The following HCRTR2 variants were observed in gnomAD, a reference collection of about 807,000 sequenced individuals.
HCRTR2 encodes orexin receptor type 2.
A neutral mutation model predicts 49.0 loss-of-function variants in HCRTR2; 22 were observed. That is an observed-to-expected ratio of 0.45 (90% CI 0.32 to 0.64). The LOEUF is 0.64. Among genes scored for constraint, HCRTR2 ranks in the 30% least tolerant of loss-of-function variants. The pLI is 0.04. For missense variants in HCRTR2, 491 were observed against 559.4 expected, an observed-to-expected ratio of 0.88 and a Z score of 1.23; for synonymous variants, 236 against 205.3, an observed-to-expected ratio of 1.15 and a Z score of -1.28.
At chr6:55,182,123 C>T (rs1334319056) in intron 1 of HCRTR2, among the ~76,000 whole-genome samples, 1 of 152,190 alleles carries the variant, frequency 6.6e-6, no homozygotes, top group Non-Finnish European at 1.5e-5. Flanking sequence ...TGGAGAGTCT[C>T]CTTCATCCAA....
intron 1 of HCRTR2, among the ~76,000 whole-genome samples, chr6:55,160,137 T>C (rs1282182563): frequency 1.3e-5 from 2 of 152,160 alleles, no homozygotes; most frequent in Non-Finnish European, 2.9e-5. Flanking sequence ...ACAGTGGATC[T>C]CCCTGCAGAA....
At chr6:55,183,119 A>G (rs1765161067) in intron 1 of HCRTR2, among the ~76,000 whole-genome samples, 1 of 152,144 alleles carries the variant, frequency 6.6e-6, no homozygotes, top group Non-Finnish European at 1.5e-5. Flanking sequence ...AGGAACCTGC[A>G]CTCTTTTTGA....
intron 1 of HCRTR2, among the ~76,000 whole-genome samples, chr6:55,233,347 TC>T (rs1439935201): frequency 6.6e-6 from 1 of 152,082 alleles, no homozygotes; most frequent in African/African-American, 2.4e-5. Flanking sequence ...CACCTCGGCT[TC>T]CCAAAGTGCT....
At position 55,165,835 on chromosome 6, in the gene HCRTR2, A is replaced by C. The variant is rs180790512; in HGVS notation, c.-377-8376A>C. Among the ~76,000 whole-genome samples, 378 of 143,574 alleles carry C rather than the reference A, an allele frequency of 2.6e-3. 2 individuals carry two copies. Among genetic ancestry groups the C allele is most frequent in the African/African-American group, 9.2e-3 (360 of 39,212 alleles). The allele number at this position is 143,574 out of a possible 152,430, so 94.2% of individuals were successfully genotyped here. On this transcript the variant is annotated intron_variant, in intron 1 of 7. Coordinates refer to the HCRTR2 transcript ENST00000615358. ...AGAGACGAATAACCCAATCTAAAAA[A>C]ATAGGCAATAAATAGCTATTAGTTC...
At chr6:55,169,987 G>T (rs1172962550), upstream of HCRTR2, among the ~76,000 whole-genome samples, 2 of 151,292 alleles carry the variant, frequency 1.3e-5, no homozygotes, top group African/African-American at 4.9e-5. Context: ...CCAGGAATAA[G>T]AAAATATAAT....
intron 1 of HCRTR2, among the ~76,000 whole-genome samples, chr6:55,158,424 C>T (rs1764759775): frequency 6.6e-6 from 1 of 152,060 alleles, no homozygotes; most frequent in Non-Finnish European, 1.5e-5. Context: ...TTTTTCATAC[C>T]CCAGTGGTGC....
intron 1 of HCRTR2, among the ~76,000 whole-genome samples, chr6:55,122,346 T>G (rs1166492370): frequency 6.6e-6 from 1 of 152,152 alleles, no homozygotes; most frequent in Non-Finnish European, 1.5e-5. Context: ...TATTTGATTC[T>G]TCTCTCTTTT....
chr6:55,144,276 C>A (rs537948719), intron 1 of HCRTR2, among the ~76,000 whole-genome samples: 1 of 151,924 alleles, frequency 6.6e-6, no homozygotes, highest in Non-Finnish European at 1.5e-5. Context: ...CCACGTCTGG[C>A]TAATTTTGTA....
At chr6:55,179,346 A>T (rs564887613) in intron 1 of HCRTR2, among the ~76,000 whole-genome samples, 1 of 152,312 alleles carries the variant, frequency 6.6e-6, no homozygotes, top group African/African-American at 2.4e-5. Context: ...AGTGACTGTA[A>T]AAGGTAATAT....
chr6:55,274,645 A>G (rs1767043506), intron 4 of HCRTR2, among the ~76,000 whole-genome samples: 1 of 151,948 alleles, frequency 6.6e-6, no homozygotes, highest in Admixed American at 6.6e-5. Flanking sequence ...GTGAGAGAAG[A>G]CTTGATTTTT....
chr6:55,163,096 C>A (rs757697402), intron 1 of HCRTR2, among the ~76,000 whole-genome samples: 1 of 151,784 alleles, frequency 6.6e-6, no homozygotes, highest in African/African-American at 2.4e-5. Flanking sequence ...ATTAGCCGGG[C>A]GTGGTGGCAG....
At chr6:55,111,301 G>T (rs1180068487) in intron 1 of HCRTR2, among the ~76,000 whole-genome samples, 1 of 151,804 alleles carries the variant, frequency 6.6e-6, no homozygotes, top group East Asian at 1.9e-4. Flanking sequence ...CCTAGCAAAA[G>T]AAAAGAAATA....
In HCRTR2 at chr6:55,248,688, C is replaced by G. The variant is rs1303149924; in HGVS notation, c.273C>G (p.Tyr91Ter). The G allele has an allele frequency of 6.2e-7, 1 of 1,613,470 alleles. No individual in the cohort carries two copies. The highest frequency in any genetic ancestry group is 8.5e-7 in the Non-Finnish European group (1 of 1,179,518). The change falls in exon 2 of 7, where the codon TAC becomes TAG. Residue 91 changes from tyrosine (Y) to a stop codon, truncating the protein, a stop_gained. Transcript: ENST00000370862. LOFTEE classifies it high-confidence loss of function. Reference sequence around the variant, plus strand: ...ACCACATGAGGACGGTAACCAACTACTTCATAGTCAATCTTTCTCTGGCTG... The same window carrying G: ...ACCACATGAGGACGGTAACCAACTAGTTCATAGTCAATCTTTCTCTGGCTG... The part of the protein sequence containing the change: ...KNHHMRTVTN[Y>*]FIVNLSLADV...
Position 55,106,857 on chromosome 6 carries a change from G to C in HCRTR2, c.-378+312G>C, listed in dbSNP as rs1763982087. 2.6e-5 allele frequency among the ~76,000 whole-genome samples: 4 copies of C among 151,934 alleles called. No individual in the cohort carries two copies. In the South Asian group the frequency reaches 8.3e-4, roughly 32 times the overall value. ...TTGCACATGCCTACATGCCCCTTTT[G>C]CTCATATCACTCATGTAGGCTGTAA... On this transcript the variant is annotated intron_variant, in intron 1 of 7. Coordinates refer to the HCRTR2 transcript ENST00000615358.
chr6:55,268,467 T>C (rs1274406480), intron 4 of HCRTR2, among the ~76,000 whole-genome samples: 1 of 152,136 alleles, frequency 6.6e-6, no homozygotes, highest in Non-Finnish European at 1.5e-5. Context: ...CTTTATGCTG[T>C]CTACAAGAGA....
intron 4 of HCRTR2, among the ~76,000 whole-genome samples, chr6:55,266,535 T>C (rs376252597): frequency 2.0e-5 from 3 of 152,266 alleles, no homozygotes; most frequent in African/African-American, 7.2e-5. Context: ...ATAAAGATAT[T>C]TTAGATTTAG....
chr6:55,222,326 A>G (rs1765914679), intron 1 of HCRTR2, among the ~76,000 whole-genome samples: 1 of 152,088 alleles, frequency 6.6e-6, no homozygotes, highest in Admixed American at 6.6e-5. Context: ...AAGTGTTGAA[A>G]GGGATGTGGA....
At chr6:55,257,329 C>T (rs1766672518) in intron 3 of HCRTR2, among the ~76,000 whole-genome samples, 1 of 151,956 alleles carries the variant, frequency 6.6e-6, no homozygotes, top group East Asian at 1.9e-4. Context: ...ATTATTTTTT[C>T]AAGATTATGA....
intron 1 of HCRTR2, among the ~76,000 whole-genome samples, chr6:55,235,588 A>G (rs79930787): frequency 0.016 from 2,382 of 152,168 alleles, 64 homozygotes; most frequent in African/African-American, 0.054. Flanking sequence ...CATCTTATCA[A>G]TGGGAATTTT....
Sources: allele counts gnomAD v4.1 joint callset (sites outside exome capture counted in the v4.1 genomes callset), GRCh38; gene constraint gnomAD v4.1.1; transcripts MANE v1.5; gene names NCBI Gene and HGNC (gene_info 2026-07-23, HGNC 2026-07-21).